Variants in SETD1B observed in about 807,000 individuals in gnomAD.
SETD1B encodes the protein histone-lysine N-methyltransferase SETD1B.
In SETD1B, 7 loss-of-function variants were observed where a neutral mutation model predicts 148.0. The ratio of observed to expected loss-of-function variants is 0.05; its 90% CI spans 0.03 to 0.09. The LOEUF (loss-of-function observed/expected upper bound fraction) is 0.09, where lower values mean the gene tolerates loss of function less well. SETD1B is among the 10% of genes least tolerant of loss of function. The pLI, the probability that SETD1B is intolerant of heterozygous loss-of-function variation, is 1.00. For synonymous variants in SETD1B, 1,361 were observed against 1,186.5 expected, an observed-to-expected ratio of 1.15 and a Z score of -3.02; for missense variants, 2,155 against 2,729.9, an observed-to-expected ratio of 0.79 and a Z score of 4.69.
chr12:121,808,074 G>A lies in SETD1B; in HGVS notation c.545-134G>A. On this transcript the variant is annotated intron_variant, in intron 4 of 16. Coordinates refer to ENST00000604567, the MANE Select transcript of SETD1B (RefSeq NM_001353345.2). This position sits in a 1 kb window ranked among gnomAD's most constrained non-coding sequence, Gnocchi z 5.3. ...CGAGGTGCAGAGGGGTGGGAACTCA[G>A]GGCCACACAGCCTCCCTAGGACTGG... The A allele has an allele frequency of 1.6e-6, 1 of 640,644 alleles. No homozygotes were observed. Among genetic ancestry groups the A allele is most frequent in the Non-Finnish European group, 2.8e-6 (1 of 363,164 alleles). The allele number at this position is 640,644 out of a possible 1,614,324, so 39.7% of individuals were successfully genotyped here.
intron 6 of SETD1B, among the ~76,000 whole-genome samples, chr12:121,813,676 C>G (rs1191504590): frequency 6.6e-6 from 1 of 152,214 alleles, no homozygotes; most frequent in Non-Finnish European, 1.5e-5. Flanking sequence ...GCAACAGAAT[C>G]TCTGAAATTG....
chr12:121,812,592 T>C (rs1266348327), intron 6 of SETD1B, among the ~76,000 whole-genome samples: 1 of 152,004 alleles, frequency 6.6e-6, no homozygotes, highest in Non-Finnish European at 1.5e-5. Flanking sequence ...AGGATCTGCC[T>C]CCCTGTGATT....
Position 121,819,409 on chromosome 12 carries a change from A to G in SETD1B, c.3424A>G (p.Thr1142Ala). 6.4e-7 allele frequency: 1 copy of G among 1,551,808 alleles called. No individual in the cohort carries two copies. The highest frequency in any genetic ancestry group is 8.7e-7 in the Non-Finnish European group (1 of 1,147,010). The change falls in exon 11 of 17, where the codon ACA (threonine) becomes GCA (alanine). Residue 1142 changes from threonine (T) to alanine (A), a missense_variant. Transcript: ENST00000604567. ...CGTCTGTGTCCCCCATCCAGAGGAGACAGTGAGCATTGTAACCTCCAAGGC... is the reference window on the plus strand; with the variant it reads ...CGTCTGTGTCCCCCATCCAGAGGAGGCAGTGAGCATTGTAACCTCCAAGGC... ...KDEGDSDEEE[T>A]VSIVTSKAEA... is the part of the protein sequence containing the mutation.
rs887452023 is a variant in SETD1B at position 121,822,711 on chromosome 12, A to T, written c.4132A>T (p.Thr1378Ser). Residue 1378 changes from threonine (T) to serine (S), a missense_variant, in exon 12 of 17, where the codon ACG becomes TCG. Physicochemically the swap from Thr to Ser is moderately conservative, Grantham distance 58. Coordinates refer to ENST00000604567, the MANE Select transcript of SETD1B (RefSeq NM_001353345.2). ...GSLAKSQSTE[T>S]VPATPGGEPP... ...CCTGGCCAAGTCGCAGAGCACAGAG[A>T]CGGTGCCAGCCACACCAGGCGGGGA... 2 of 1,530,588 alleles carry T rather than the reference A, an allele frequency of 1.3e-6. No homozygotes were observed. Among genetic ancestry groups the T allele is most frequent in the Non-Finnish European group, 1.8e-6 (2 of 1,131,916 alleles). 94.8% of individuals were successfully genotyped at this position (1,530,588 alleles called of 1,614,324 possible).
the SETD1B span, among the ~76,000 whole-genome samples, chr12:121,791,740 C>A: frequency 6.6e-6 from 1 of 152,210 alleles, no homozygotes; most frequent in South Asian, 2.1e-4. Context: ...GAACAGTGAA[C>A]CCCGGGACCT....
At chr12:121,791,035 G>A in the SETD1B span, among the ~76,000 whole-genome samples, 1 of 150,794 alleles carries the variant, frequency 6.6e-6, no homozygotes, top group African/African-American at 2.4e-5. Context: ...CAACACGCCT[G>A]GCTAATTTTT....
At position 121,822,871 on chromosome 12, in the gene SETD1B, G is replaced by A. The variant is rs1264704522; in HGVS notation, c.4292G>A (p.Ser1431Asn). The A allele has an allele frequency of 6.7e-7, 1 of 1,489,046 alleles. No individual in the cohort carries two copies. 92.2% of individuals were successfully genotyped at this position (1,489,046 alleles called of 1,614,324 possible). ...GLPRTPGRDF[S>N]FTPTFSEPSG... The stretch of plus-strand genomic sequence containing the variant: ...CCTCGGACACCTGGCCGGGACTTCA[G>A]CTTCACACCCACCTTCTCCGAGCCC... The change falls in exon 12 of 17, where the codon AGC (serine) becomes AAC (asparagine). Residue 1431 changes from serine (S) to asparagine (N), a missense_variant. By Grantham distance (46) the Ser-to-Asn change is conservative. Around this residue, in one of 11 missense-constraint regions of SETD1B, gnomAD observed 862 missense variants for 873.8 expected, o/e 0.99. Coordinates refer to ENST00000604567, the MANE Select transcript of SETD1B (RefSeq NM_001353345.2).
In SETD1B at chr12:121,819,526, G is replaced by T. The variant is rs1332815208; in HGVS notation, c.3541G>T (p.Val1181Leu). The change falls in exon 11 of 17, where the codon GTA becomes TTA. Residue 1181 changes from valine to leucine, a missense_variant. Val to Leu is a conservative substitution (Grantham distance 32). Transcript: ENST00000604567. ...SPSSSEDEEE[V>L]VAREEEEEEE... ...CTCATCCTCGGAGGATGAGGAGGAGGTAGTGGCCAGGGAAGAGGAGGAAGA... is the reference window on the plus strand; with the variant it reads ...CTCATCCTCGGAGGATGAGGAGGAGTTAGTGGCCAGGGAAGAGGAGGAAGA... The T allele has an allele frequency of 3.9e-6, 6 of 1,552,488 alleles. No individual in the cohort carries two copies. The East Asian group carries it at 7.3e-5, about 19-fold the overall frequency.
chr12:121,829,744 G>T (rs1331354622), intron 16 of SETD1B, among the ~76,000 whole-genome samples: 2 of 152,216 alleles, frequency 1.3e-5, no homozygotes, highest in Non-Finnish European at 2.9e-5. Flanking sequence ...AAAACAGGCT[G>T]CTAGGGGCTA....
chr12:121,795,856 T>A, the SETD1B span: 1 of 152,704 alleles, frequency 6.5e-6, no homozygotes, highest in Non-Finnish European at 1.5e-5. Flanking sequence ...GGGGCTGTGA[T>A]CTCTGCTTAT....
At chr12:121,823,835 A>G (rs1402188780) in intron 12 of SETD1B, 86 bp downstream of exon 12, 10 of 1,459,950 alleles carry the variant, frequency 6.8e-6, no homozygotes, top group Non-Finnish European at 9.1e-6. Flanking sequence ...CCCAGTCTGT[A>G]GCAGCCCGCG....
At chr12:121,803,657 T>C (rs1281327539), upstream of SETD1B, 1 of 149,604 alleles carries the variant, frequency 6.7e-6, no homozygotes, top group Admixed American at 6.6e-5. This position sits in a 1 kb window ranked among gnomAD's most constrained non-coding sequence, Gnocchi z 4.7. Context: ...GCCCGGGCAG[T>C]TTGGAAACAG....
At chr12:121,812,438 A>T (rs1876079761) in intron 6 of SETD1B, among the ~76,000 whole-genome samples, 1 of 144,318 alleles carries the variant, frequency 6.9e-6, no homozygotes, top group African/African-American at 2.9e-5. Flanking sequence ...GCAGCACAGG[A>T]CCTCAGCTTA....
rs901546350 is a variant in SETD1B, at chr12:121,804,761, C to A, written c.24C>A (p.His8Gln). 5 of 1,549,970 alleles carry A rather than the reference C, an allele frequency of 3.2e-6. No individual in the cohort carries two copies. Among genetic ancestry groups the A allele is most frequent in the African/African-American group, 1.4e-5 (1 of 72,862 alleles). ...GCATGGAGAACAGTCACCCCCCCCA[C>A]CACCACCACCAGCAGCCCCCGCCGC... is the stretch of plus-strand genomic sequence containing the variant. MENSHPP[H>Q]HHHQQPPPQP... The change falls in exon 2 of 17, where the codon CAC (histidine) becomes CAA (glutamine). Residue 8 changes from histidine (H) to glutamine (Q), a missense_variant. By Grantham distance (24) the His-to-Gln change is conservative. Coordinates refer to ENST00000604567, the MANE Select transcript of SETD1B (RefSeq NM_001353345.2). The surrounding 1 kb of genome is among the most constrained non-coding windows in gnomAD (Gnocchi z 4.6).
the SETD1B span, among the ~76,000 whole-genome samples, chr12:121,790,738 A>G: frequency 6.6e-6 from 1 of 152,326 alleles, no homozygotes; most frequent in Admixed American, 6.5e-5. Context: ...GCTGCTTGGA[A>G]GAGACTTGCC....
At chr12:121,802,244 A>G (rs941710564), upstream of SETD1B, 1 of 152,258 alleles carries the variant, frequency 6.6e-6, no homozygotes, top group Non-Finnish European at 1.5e-5. Flanking sequence ...CTTATATTAG[A>G]CAAGAGAGAC....
In SETD1B at chr12:121,818,853, G is replaced by A. The variant is rs915751098; in HGVS notation, c.3419-551G>A. On this transcript the variant is annotated intron_variant, in intron 10 of 16. Transcript: ENST00000604567. ...TGCAGTGAGCCGGGATCGCCCCACT[G>A]CACTCCACCCTGGGCGACAGAGCGA... 4.7e-5 allele frequency among the ~76,000 whole-genome samples: 7 copies of A among 147,876 alleles called. No homozygotes were observed. In the East Asian group the frequency reaches 1.2e-3, roughly 25 times the overall value.
At chr12:121,813,524 C>T (rs1306909428) in intron 6 of SETD1B, among the ~76,000 whole-genome samples, 2 of 152,136 alleles carry the variant, frequency 1.3e-5, no homozygotes, top group African/African-American at 4.8e-5. Flanking sequence ...TTCTCTGTGC[C>T]CCAGTTTCCT....
Position 121,823,587 on chromosome 12 carries a change from C to G in SETD1B, c.5008C>G (p.Arg1670Gly). The change falls in exon 12 of 17, where the codon CGG (arginine) becomes GGG (glycine). Residue 1670 changes from arginine to glycine, a missense_variant. This residue lies in a region of SETD1B where 862 missense variants were observed against 873.8 expected (regional missense o/e 0.99). Transcript: ENST00000604567. ...ACTCTCGCCACCCCAGCCCCTCTTC[C>G]GGCCCCGCTCGGAGTTTGAGGAGAT... The part of the protein sequence containing the change: ...PELSPPQPLF[R>G]PRSEFEEMTI... The G allele has an allele frequency of 6.4e-7, 1 of 1,551,474 alleles. No individual in the cohort carries two copies. Among genetic ancestry groups the G allele is most frequent in the Non-Finnish European group, 8.7e-7 (1 of 1,146,968 alleles).
Sources: gnomAD v4.1 joint callset for allele counts (sites outside exome capture counted in the v4.1 genomes callset) on GRCh38, gnomAD v4.1.1 for gene constraint, gnomAD v4.1.1 regional missense constraint, Gnocchi (gnomAD v3.1) non-coding constraint, MANE v1.5 for transcripts, NCBI Gene and HGNC (gene_info 2026-07-23, HGNC 2026-07-21) for gene names.